Variants in CYP4F8 observed in about 807,000 individuals in gnomAD.
The protein encoded by CYP4F8 is cytochrome P450 family 4 subfamily F member 8.
A neutral mutation model predicts 55.0 loss-of-function variants in CYP4F8; 56 were observed. The observed-to-expected ratio is 1.02, with a 90% CI of 0.82 to 1.27. The LOEUF is 1.27. CYP4F8 is among the 50% of genes most tolerant of loss of function. The pLI, the probability that CYP4F8 is intolerant of heterozygous loss-of-function variation, is 0.00. For missense variants in CYP4F8, 680 were observed against 682.4 expected (o/e 1.00, Z 0.04); for synonymous variants, 288 against 267.3 (o/e 1.08, Z -0.76).
chr19:15,622,254 C>A lies in CYP4F8; in HGVS notation c.561C>A (p.Thr187=), dbSNP rs1372996174. ...AACGCCTGGCCATGGAGGGCAGCACCTGTCTGGATGTGTTTGAGCACATCA... is the reference window on the plus strand; with the variant it reads ...AACGCCTGGCCATGGAGGGCAGCACATGTCTGGATGTGTTTGAGCACATCA... ...KWQRLAMEGS[T]CLDVFEHISL... is the part of the protein sequence containing the mutation. The change falls in exon 6 of 13, where the codon ACC becomes ACA. Residue 187 remains threonine (T), a synonymous_variant. Transcript: ENST00000612078. 3 of 1,613,584 alleles carry A rather than the reference C, an allele frequency of 1.9e-6. No homozygotes were observed.
At chr19:15,626,102 G>T (rs1972258419) in intron 9 of CYP4F8, among the ~76,000 whole-genome samples, 1 of 152,146 alleles carries the variant, frequency 6.6e-6, no homozygotes, top group Non-Finnish European at 1.5e-5. Context: ...CTTGCTTTTA[G>T]CTATGATCTA....
Position 15,618,011 on chromosome 19 carries a change from AGAG to A in CYP4F8, c.215_217del (p.Glu72del), listed in dbSNP as rs1568381710. 6.2e-7 allele frequency: 1 copy of A among 1,613,954 alleles called. No homozygotes were observed. Among genetic ancestry groups the A allele is most frequent in the East Asian group, 2.2e-5 (1 of 44,886 alleles). On this transcript the variant is annotated inframe_deletion, in exon 3 of 13. Coordinates refer to ENST00000612078, the MANE Select transcript of CYP4F8 (RefSeq NM_007253.4). ...TGCCTTGCTTGCAGGTCACTCCCAC[AGAG>A]GAGGGCTTGAGGGTCCTGACCCAGC...
intron 11 of CYP4F8, 35 bp from the exon 12 acceptor site, chr19:15,628,726 G>A (rs1972295856): frequency 1.9e-6 from 3 of 1,612,092 alleles, no homozygotes; most frequent in Non-Finnish European, 2.5e-6. Flanking sequence ...GTCCTGAGAG[G>A]CCCCATCAGC....
In CYP4F8 at chr19:15,628,365, C is replaced by A. The variant is rs771640600; in HGVS notation, c.1179C>A (p.Pro393=). 1 of 1,614,112 alleles carries A rather than the reference C, an allele frequency of 6.2e-7. No homozygotes were observed. The highest frequency in any genetic ancestry group is 1.1e-5 in the South Asian group (1 of 91,086). ...MCLKESLRLH[P]PIPTFARGCT... ...TGAAGGAGAGCCTGCGGTTGCATCCCCCAATCCCTACATTCGCCCGCGGCT... is the reference window on the plus strand; with the variant it reads ...TGAAGGAGAGCCTGCGGTTGCATCCACCAATCCCTACATTCGCCCGCGGCT... The change falls in exon 10 of 13, where the codon CCC becomes CCA. Residue 393 remains proline (P), a synonymous_variant. Transcript: ENST00000612078.
At position 15,623,298 on chromosome 19, in the gene CYP4F8, C is replaced by T; in HGVS notation, c.841C>T (p.Gln281Ter). The change falls in exon 7 of 13, where the codon CAG becomes TAG. Residue 281 changes from glutamine (Q) to a stop codon, truncating the protein, a stop_gained. Transcript: ENST00000612078. LOFTEE classifies it high-confidence loss of function. Reference sequence around the variant, plus strand: ...GGAGCGGCGCCGCACCCTCACTAGCCAGGGTGTTGATGACTTCCTCCAAGC... The same window carrying T: ...GGAGCGGCGCCGCACCCTCACTAGCTAGGGTGTTGATGACTTCCTCCAAGC... Reference protein sequence around the residue: ...IQERRRTLTSQGVDDFLQAKA... With the variant: ...IQERRRTLTS 3 of 1,614,016 alleles carry T rather than the reference C, an allele frequency of 1.9e-6. No individual in the cohort carries two copies. Among genetic ancestry groups the T allele is most frequent in the Non-Finnish European group, 2.5e-6 (3 of 1,180,008 alleles).
chr19:15,622,276 A>G lies in CYP4F8; in HGVS notation c.583A>G (p.Ile195Val). 1 of 1,613,752 alleles carries G rather than the reference A, an allele frequency of 6.2e-7. No homozygotes were observed. Among genetic ancestry groups the G allele is most frequent in the Non-Finnish European group, 8.5e-7 (1 of 1,179,882 alleles). Residue 195 changes from isoleucine to valine, a missense_variant, in exon 6 of 13, where the codon ATC (isoleucine) becomes GTC (valine). Physicochemically the swap from Ile to Val is conservative, Grantham distance 29. Coordinates refer to ENST00000612078, the MANE Select transcript of CYP4F8 (RefSeq NM_007253.4). ...CACCTGTCTGGATGTGTTTGAGCAC[A>G]TCAGCCTTATGACCCTGGACAGTCT... ...GSTCLDVFEH[I>V]SLMTLDSLQK...
In CYP4F8 at chr19:15,622,312, A is replaced by G. The variant is rs1333818155; in HGVS notation, c.619A>G (p.Ile207Val). The G allele has an allele frequency of 2.5e-6, 4 of 1,599,538 alleles. No individual in the cohort carries two copies. Among genetic ancestry groups the G allele is most frequent in the Admixed American group, 1.7e-5 (1 of 59,230 alleles). ...GACCCTGGACAGTCTGCAGAAATGC[A>G]TCTTCAGCTTTGACAGCAATTGTCA... The part of the protein sequence containing the change: ...LMTLDSLQKC[I>V]FSFDSNCQEK... Residue 207 changes from isoleucine to valine, a missense_variant, in exon 6 of 13, where the codon ATC (isoleucine) becomes GTC (valine). By Grantham distance (29) the Ile-to-Val change is conservative. Coordinates refer to ENST00000612078, the MANE Select transcript of CYP4F8 (RefSeq NM_007253.4).
intron 12 of CYP4F8, 129 bp downstream of exon 12, chr19:15,628,972 G>C (rs1972300150): frequency 7.8e-7 from 1 of 1,278,570 alleles, no homozygotes; most frequent in Admixed American, 2.6e-5. Flanking sequence ...TAGGAAAAAG[G>C]GTGTGCTCAG....
chr19:15,621,397 G>A (rs144392205), intron 5 of CYP4F8, among the ~76,000 whole-genome samples: 1,710 of 152,250 alleles, frequency 0.011, 32 homozygotes, highest in African/African-American at 0.039. Flanking sequence ...GTGGTGGTGC[G>A]TGCCTGTAAC....
rs762902007 is a variant in CYP4F8 at position 15,623,150 on chromosome 19, T to C, written c.693T>C (p.Leu231=). Residue 231 remains leucine, a synonymous_variant, in exon 7 of 13, where the codon CTT becomes CTC. Coordinates refer to ENST00000612078, the MANE Select transcript of CYP4F8 (RefSeq NM_007253.4). ...CTGCGATCATGGAGCTCAGTGCCCT[T>C]GTAGTGAAACGGAATAACCAGTTCT... is the stretch of plus-strand genomic sequence containing the variant. The part of the protein sequence containing the change: ...YITAIMELSA[L]VVKRNNQFFR... The C allele has an allele frequency of 5.0e-6, 8 of 1,614,048 alleles. No homozygotes were observed. The highest frequency in any genetic ancestry group is 5.1e-6 in the Non-Finnish European group (6 of 1,179,996).
intron 5 of CYP4F8, among the ~76,000 whole-genome samples, chr19:15,620,508 A>T (rs1209684209): frequency 6.6e-6 from 1 of 152,114 alleles, no homozygotes; most frequent in African/African-American, 2.4e-5. Flanking sequence ...CTCCTGTCTT[A>T]GCCTCGTGGG....
intron 5 of CYP4F8, among the ~76,000 whole-genome samples, chr19:15,620,469 G>A (rs1047146035): frequency 1.3e-5 from 2 of 152,086 alleles, no homozygotes; most frequent in Non-Finnish European, 2.9e-5. Flanking sequence ...TGCGATCTTG[G>A]CTCTCTGCAA....
intron 2 of CYP4F8, among the ~76,000 whole-genome samples, chr19:15,616,430 C>T (rs899145208): frequency 1.3e-5 from 2 of 152,142 alleles, no homozygotes; most frequent in African/African-American, 2.4e-5. Context: ...ACTAGTGAAC[C>T]TCTGATGGGT....
chr19:15,627,196 G>A (rs1479301932), intron 9 of CYP4F8: 2 of 152,180 alleles, frequency 1.3e-5, no homozygotes, highest in African/African-American at 4.8e-5. Context: ...AGCTTGGATA[G>A]GGCATGGTGG....
rs547477336 is a variant in CYP4F8, at chr19:15,628,870, G to T, written c.1397+27G>T. The T allele has an allele frequency of 3.3e-5, 52 of 1,566,124 alleles. No homozygotes were observed. In the East Asian group the frequency reaches 1.1e-3, roughly 33 times the overall value. ...TGAGGCCAGGGGGTGTCTGAGGTGG[G>T]CATGGGCTGAGGGTGGCACAGATGG... is the stretch of plus-strand genomic sequence containing the variant. On this transcript the variant is annotated intron_variant, in intron 12 of 12. Transcript: ENST00000612078.
At chr19:15,624,146 G>T (rs1390101269) in intron 9 of CYP4F8, 52 bp downstream of exon 9, 3 of 1,594,932 alleles carry the variant, frequency 1.9e-6, no homozygotes, top group Admixed American at 1.7e-5. Context: ...AGTCCTTCTC[G>T]TTGGTTCTTC....
At position 15,615,654 on chromosome 19, in the gene CYP4F8, C is replaced by T. The variant is rs377611821; in HGVS notation, c.38C>T (p.Pro13Leu). 26 of 1,613,898 alleles carry T rather than the reference C, an allele frequency of 1.6e-5. No individual in the cohort carries two copies. Among genetic ancestry groups the T allele is most frequent in the African/African-American group, 9.3e-5 (7 of 75,050 alleles). Reference protein sequence around the residue: ...LLSLSWLGLRPVAASPWLLLL... With the variant: ...LLSLSWLGLRLVAASPWLLLL... ...AGCCTGTCTTGGCTGGGCCTCAGGC[C>T]GGTGGCAGCATCCCCGTGGCTGCTC... The change falls in exon 2 of 13, where the codon CCG becomes CTG. Residue 13 changes from proline (P) to leucine (L), a missense_variant. Physicochemically the swap from Pro to Leu is moderately conservative, Grantham distance 98. Transcript: ENST00000612078.
chr19:15,616,201 C>G (rs1008657455), intron 2 of CYP4F8, among the ~76,000 whole-genome samples: 35 of 150,336 alleles, frequency 2.3e-4, no homozygotes, highest in Non-Finnish European at 4.0e-4. Context: ...CTCACTCACT[C>G]ATTCCTCTCC....
In CYP4F8 at chr19:15,615,659, G is replaced by A; in HGVS notation, c.43G>A (p.Ala15Thr). The change falls in exon 2 of 13, where the codon GCA (alanine) becomes ACA (threonine). Residue 15 changes from alanine (A) to threonine (T), a missense_variant. By Grantham distance (58) the Ala-to-Thr change is moderately conservative. Transcript: ENST00000612078. ...GTCTTGGCTGGGCCTCAGGCCGGTG[G>A]CAGCATCCCCGTGGCTGCTCCTGCT... ...SLSWLGLRPV[A>T]ASPWLLLLVV... The A allele has an allele frequency of 6.2e-7, 1 of 1,613,918 alleles. No homozygotes were observed. Among genetic ancestry groups the A allele is most frequent in the Non-Finnish European group, 8.5e-7 (1 of 1,179,932 alleles).
Sources: gnomAD v4.1 joint callset for allele counts (sites outside exome capture counted in the v4.1 genomes callset) on GRCh38, gnomAD v4.1.1 for gene constraint, MANE v1.5 for transcripts, NCBI Gene and HGNC (gene_info 2026-07-23, HGNC 2026-07-21) for gene names.